DPP10: variants seen among roughly 807,000 people sequenced by gnomAD.
The protein encoded by DPP10 is dipeptidyl peptidase like 10, also known as inactive dipeptidyl peptidase 10.
Under a neutral mutation model 120.9 loss-of-function variants are expected in DPP10, and 33 were observed. That is an observed-to-expected ratio of 0.27 (90% CI 0.21 to 0.37). The LOEUF (loss-of-function observed/expected upper bound fraction) is 0.37, where lower values mean the gene tolerates loss of function less well. Ranked by LOEUF, DPP10 falls within the 10% of genes least tolerant of loss-of-function variation. DPP10 has a pLI of 1.00. For synonymous variants in DPP10, 337 were observed against 326.1 expected (o/e 1.03, Z -0.36); for missense variants, 816 against 942.8 (o/e 0.87, Z 1.76).
intron 3 of DPP10, among the ~76,000 whole-genome samples, chr2:115,477,092 T>C (rs1839135): frequency 0.83 from 125,869 of 152,096 alleles, 55,149 homozygotes; most frequent in Non-Finnish European, 0.97. Context: ...AAAATTGTCC[T>C]TGAAGATCAG....
At chr2:115,416,666 T>C (rs1355525856) in intron 3 of DPP10, among the ~76,000 whole-genome samples, 1 of 152,154 alleles carries the variant, frequency 6.6e-6, no homozygotes, top group Non-Finnish European at 1.5e-5. Context: ...ATTAATCGAT[T>C]AATTAAACAA....
chr2:115,795,692 C>T (rs890249255), intron 19 of DPP10, among the ~76,000 whole-genome samples: 4 of 152,040 alleles, frequency 2.6e-5, no homozygotes, highest in African/African-American at 4.8e-5. Context: ...TGATCATTCA[C>T]AATGAGGGAA....
intron 1 of DPP10, among the ~76,000 whole-genome samples, chr2:114,805,794 C>T (rs1281978678): frequency 6.6e-6 from 1 of 152,156 alleles, no homozygotes; most frequent in Non-Finnish European, 1.5e-5. Context: ...ATTTCAAGGA[C>T]AATTAAATGC....
intron 1 of DPP10, among the ~76,000 whole-genome samples, chr2:115,207,448 C>CAAAAAAAAAAAAAAAAAAAAAAAA (rs1574011539): frequency 3.4e-5 from 3 of 87,930 alleles, no homozygotes; most frequent in African/African-American, 1.5e-4. Context: ...AAAAAAAAAG[C>CAAAAAAAAAAAAAAAAAAAAAAAA]TTTCTCCTGG....
At chr2:115,301,944 G>A (rs1559388855) in intron 1 of DPP10, among the ~76,000 whole-genome samples, 2 of 151,844 alleles carry the variant, frequency 1.3e-5, no homozygotes, top group Admixed American at 1.3e-4. Context: ...AGTTCGTTTT[G>A]ACATTACTAT....
intron 1 of DPP10, among the ~76,000 whole-genome samples, chr2:114,651,405 C>A (rs944670979): frequency 2.0e-5 from 3 of 152,112 alleles, no homozygotes; most frequent in African/African-American, 4.8e-5. Context: ...GTTTCTCAAG[C>A]TTTACCCTCA....
chr2:114,745,941 A>G (rs1678539264), intron 1 of DPP10, among the ~76,000 whole-genome samples: 1 of 152,210 alleles, frequency 6.6e-6, no homozygotes. Flanking sequence ...CTTTCAAAGC[A>G]ATTGACTTGT....
At chr2:115,590,018 C>T (rs1310758842) in intron 5 of DPP10, among the ~76,000 whole-genome samples, 2 of 151,864 alleles carry the variant, frequency 1.3e-5, no homozygotes, top group African/African-American at 4.8e-5. Flanking sequence ...TTTTTATCTC[C>T]CTGCTTTTTG....
intron 1 of DPP10, among the ~76,000 whole-genome samples, chr2:114,511,872 CTG>C (rs1558829564): frequency 6.6e-6 from 1 of 152,218 alleles, no homozygotes; most frequent in Non-Finnish European, 1.5e-5. Context: ...CATACATTGT[CTG>C]TGAGCTTCAA....
chr2:115,775,924 T>C (rs1682043878), intron 13 of DPP10, among the ~76,000 whole-genome samples: 1 of 152,126 alleles, frequency 6.6e-6, no homozygotes, highest in Admixed American at 6.6e-5. Context: ...GATGCAGACA[T>C]AGGATCCAAG....
chr2:115,678,323 C>T (rs1303168714), intron 5 of DPP10, among the ~76,000 whole-genome samples: 1 of 152,212 alleles, frequency 6.6e-6, no homozygotes, highest in African/African-American at 2.4e-5. Flanking sequence ...GGCCCCCCTG[C>T]TGTGTGCAGC....
intron 1 of DPP10, among the ~76,000 whole-genome samples, chr2:115,225,459 C>T (rs566713163): frequency 3.3e-5 from 5 of 150,898 alleles, no homozygotes; most frequent in African/African-American, 4.9e-5. Context: ...TTGAGTGCTT[C>T]GAAACACTTA....
intron 1 of DPP10, among the ~76,000 whole-genome samples, chr2:115,281,659 C>G (rs749530032): frequency 6.6e-6 from 1 of 152,140 alleles, no homozygotes; most frequent in Non-Finnish European, 1.5e-5. Flanking sequence ...ATATTCATCT[C>G]TATCAGTGCC....
chr2:115,664,324 G>C (rs1207447303), intron 5 of DPP10, among the ~76,000 whole-genome samples: 2 of 151,828 alleles, frequency 1.3e-5, no homozygotes, highest in Non-Finnish European at 2.9e-5. Context: ...ATCAAATATT[G>C]ATTACAAATT....
chr2:115,666,835 G>T (rs989506703), intron 5 of DPP10, among the ~76,000 whole-genome samples: 5 of 152,090 alleles, frequency 3.3e-5, no homozygotes, highest in Non-Finnish European at 7.4e-5. Context: ...TCACTAAATT[G>T]CCTCCCACAG....
intron 7 of DPP10, among the ~76,000 whole-genome samples, chr2:115,690,299 G>T (rs1186248451): frequency 6.6e-6 from 1 of 151,972 alleles, no homozygotes; most frequent in Non-Finnish European, 1.5e-5. Context: ...TAAAAATTTA[G>T]ACAGAATTAT....
At chr2:114,722,739 G>A (rs1465798711) in intron 1 of DPP10, among the ~76,000 whole-genome samples, 3 of 121,752 alleles carry the variant, frequency 2.5e-5, no homozygotes, top group South Asian at 2.8e-4. Flanking sequence ...TTGAGCCACC[G>A]CACTCCAGCC....
At chr2:115,369,374 TTAAA>T (rs774656046) in intron 3 of DPP10, among the ~76,000 whole-genome samples, 6 of 152,254 alleles carry the variant, frequency 3.9e-5, no homozygotes, top group South Asian at 2.1e-4. Context: ...TTATGTATAA[TTAAA>T]TAGTTTTTCT....
chr2:115,764,817 T>C (rs1477330763), intron 12 of DPP10, among the ~76,000 whole-genome samples: 1 of 152,116 alleles, frequency 6.6e-6, no homozygotes, highest in African/African-American at 2.4e-5. Flanking sequence ...TGAAATTTAA[T>C]GTATGAGCAT....
Sources: allele counts gnomAD v4.1 joint callset (sites outside exome capture counted in the v4.1 genomes callset), GRCh38; gene constraint gnomAD v4.1.1; transcripts MANE v1.5; gene names NCBI Gene and HGNC (gene_info 2026-07-23, HGNC 2026-07-21).